The following GABRB2 variants were observed in gnomAD, a reference collection of about 807,000 sequenced individuals.
The protein encoded by GABRB2 is gamma-aminobutyric acid receptor subunit beta-2.
In GABRB2, 16 loss-of-function variants were observed where a neutral mutation model predicts 54.7. That is an observed-to-expected ratio of 0.29 (90% confidence interval 0.20 to 0.44). The LOEUF is 0.44. Among genes scored for constraint, GABRB2 ranks in the 20% least tolerant of loss-of-function variants. GABRB2 has a pLI of 1.00. For synonymous variants in GABRB2, 244 were observed against 233.8 expected, an observed-to-expected ratio of 1.04 and a Z score of -0.40; for missense variants, 355 against 644.0, an observed-to-expected ratio of 0.55 and a Z score of 4.86.
At chr5:161,460,268 A>ATGTGTGTGTGTG (rs57673547) in intron 3 of GABRB2, among the ~76,000 whole-genome samples, 13 of 148,570 alleles carry the variant, frequency 8.8e-5, no homozygotes, top group African/African-American at 3.2e-4. Context: ...TTATATATAT[A>ATGTGTGTGTGTG]TGTGTGTGTG....
intron 3 of GABRB2, among the ~76,000 whole-genome samples, chr5:161,516,484 G>T (rs183936893): frequency 1.6e-3 from 239 of 152,246 alleles, no homozygotes; most frequent in Non-Finnish European, 2.9e-3. Flanking sequence ...TATTACAGAA[G>T]ATGGAAGTGA....
chr5:161,494,449 A>G (rs1759169453), intron 3 of GABRB2, among the ~76,000 whole-genome samples: 1 of 151,708 alleles, frequency 6.6e-6, no homozygotes, highest in African/African-American at 2.4e-5. Context: ...GTTTTACTGT[A>G]TACTGTCTAA....
At chr5:161,522,406 G>C (rs1371557395) in intron 3 of GABRB2, among the ~76,000 whole-genome samples, 1 of 151,718 alleles carries the variant, frequency 6.6e-6, no homozygotes, top group Non-Finnish European at 1.5e-5. Flanking sequence ...AAGCACTACA[G>C]AGTTAGCAAT....
At chr5:161,325,588 A>AAGATTCAC (rs1758338792) in intron 9 of GABRB2, among the ~76,000 whole-genome samples, 1 of 152,140 alleles carries the variant, frequency 6.6e-6, no homozygotes. Context: ...CCTCATAGAA[A>AAGATTCAC]AGATTCACAA....
At chr5:161,496,278 A>G (rs1759243741) in intron 3 of GABRB2, among the ~76,000 whole-genome samples, 1 of 152,158 alleles carries the variant, frequency 6.6e-6, no homozygotes, top group African/African-American at 2.4e-5. Context: ...GATTAAGTAA[A>G]TCAATCATTC....
At chr5:161,355,586 A>T (rs1754598918) in intron 5 of GABRB2, among the ~76,000 whole-genome samples, 1 of 151,830 alleles carries the variant, frequency 6.6e-6, no homozygotes, top group Non-Finnish European at 1.5e-5. Flanking sequence ...GAATAAATAA[A>T]CTCTACTGAT....
chr5:161,451,962 T>C (rs1026468381), intron 4 of GABRB2, among the ~76,000 whole-genome samples: 8 of 152,202 alleles, frequency 5.3e-5, no homozygotes, highest in Admixed American at 2.0e-4. Context: ...TATTTCATGA[T>C]TCAACGAAGA....
chr5:161,402,946 T>C (rs542655955), intron 5 of GABRB2, among the ~76,000 whole-genome samples: 1 of 151,800 alleles, frequency 6.6e-6, no homozygotes, highest in Admixed American at 6.6e-5. Flanking sequence ...GGCCTGATCA[T>C]TTGAATTTTT....
chr5:161,299,368 A>T (rs114305973), intron 9 of GABRB2, among the ~76,000 whole-genome samples: 240 of 152,282 alleles, frequency 1.6e-3, no homozygotes, highest in African/African-American at 5.7e-3. Context: ...GCATGCCGTG[A>T]GTCTTCAGAT....
chr5:161,440,158 G>T (rs1237816463), intron 4 of GABRB2, among the ~76,000 whole-genome samples: 1 of 149,488 alleles, frequency 6.7e-6, no homozygotes, highest in Non-Finnish European at 1.5e-5. Flanking sequence ...CTTCACAAAA[G>T]GGAGACAGGA....
intron 9 of GABRB2, among the ~76,000 whole-genome samples, chr5:161,300,512 T>G (rs554467404): frequency 6.6e-6 from 1 of 152,322 alleles, no homozygotes; most frequent in South Asian, 2.1e-4. Flanking sequence ...TCTGGGTTGT[T>G]GATGTTTATC....
intron 2 of GABRB2, 143 bp from the exon 3 acceptor site, chr5:161,545,437 T>TAAAAA (rs56952727): frequency 2.2e-5 from 7 of 324,428 alleles, no homozygotes; most frequent in African/African-American, 9.7e-5. Context: ...CTTTTTTTGT[T>TAAAAA]AAAAAAAAAA....
At chr5:161,346,809 T>G (rs1408966335) in intron 5 of GABRB2, among the ~76,000 whole-genome samples, 1 of 152,162 alleles carries the variant, frequency 6.6e-6, no homozygotes, top group Non-Finnish European at 1.5e-5. Context: ...ATTGAAATTA[T>G]CTGGTAAGGA....
chr5:161,417,471 G>C (rs551083749), intron 4 of GABRB2, among the ~76,000 whole-genome samples: 1 of 152,198 alleles, frequency 6.6e-6, no homozygotes, highest in Non-Finnish European at 1.5e-5. Context: ...TTTGACTCCA[G>C]AGACCACATT....
intron 3 of GABRB2, among the ~76,000 whole-genome samples, chr5:161,532,917 A>G (rs1211164615): frequency 1.3e-5 from 2 of 152,136 alleles, no homozygotes; most frequent in Non-Finnish European, 2.9e-5. Flanking sequence ...CACTGTCCAT[A>G]TATTTGTGCA....
chr5:161,487,668 TTC>T (rs1288131284), intron 3 of GABRB2, among the ~76,000 whole-genome samples: 2 of 151,920 alleles, frequency 1.3e-5, no homozygotes, highest in Non-Finnish European at 2.9e-5. Flanking sequence ...TCTGTCAGTT[TTC>T]TCATCTGTAA....
At chr5:161,298,229 C>T (rs182395669) in intron 9 of GABRB2, among the ~76,000 whole-genome samples, 2 of 152,288 alleles carry the variant, frequency 1.3e-5, no homozygotes, top group East Asian at 1.9e-4. Flanking sequence ...CTGTAGGTTG[C>T]CTGTTCACTC....
chr5:161,516,529 A>G (rs1233326874), intron 3 of GABRB2, among the ~76,000 whole-genome samples: 2 of 152,178 alleles, frequency 1.3e-5, no homozygotes, highest in African/African-American at 4.8e-5. Flanking sequence ...TCCAAAGATA[A>G]ATAATAAGGG....
chr5:161,413,165 G>A (rs1332025350), intron 4 of GABRB2, among the ~76,000 whole-genome samples: 1 of 152,166 alleles, frequency 6.6e-6, no homozygotes, highest in African/African-American at 2.4e-5. Context: ...ATAAGTATAT[G>A]ATGGATGAAT....
Sources: gnomAD v4.1 joint callset for allele counts (sites outside exome capture counted in the v4.1 genomes callset) on GRCh38, gnomAD v4.1.1 for gene constraint, MANE v1.5 for transcripts, NCBI Gene and HGNC (gene_info 2026-07-23, HGNC 2026-07-21) for gene names.